CAST: variants seen among roughly 807,000 people sequenced by gnomAD.
CAST encodes MIR583 host.
Under a neutral mutation model 119.6 loss-of-function variants are expected in CAST, and 76 were observed. The ratio of observed to expected loss-of-function variants is 0.64; its 90% CI spans 0.53 to 0.77. The LOEUF is 0.77. Ranked by LOEUF, CAST falls within the 30% of genes least tolerant of loss-of-function variation. The pLI is 0.00. For missense variants in CAST, 953 were observed against 946.5 expected, an observed-to-expected ratio of 1.01 and a Z score of -0.09; for synonymous variants, 319 against 331.6, an observed-to-expected ratio of 0.96 and a Z score of 0.41.
the CAST span, among the ~76,000 whole-genome samples, chr5:96,376,218 T>A: frequency 0.011 from 1,720 of 151,796 alleles, 33 homozygotes; most frequent in African/African-American, 0.039. Context: ...AGTGGAAAAA[T>A]TCCTATTGTA....
At chr5:96,390,276 G>A in the CAST span, 2 of 152,184 alleles carry the variant, frequency 1.3e-5, no homozygotes, top group Non-Finnish European at 1.5e-5. Context: ...AATGTAAACT[G>A]TCAGCTTTTC....
At chr5:96,183,495 A>AT in the CAST span, among the ~76,000 whole-genome samples, 1 of 152,134 alleles carries the variant, frequency 6.6e-6, no homozygotes, top group South Asian at 2.1e-4. Flanking sequence ...GCTATTTGGA[A>AT]TTTTTTTCAG....
the CAST span, among the ~76,000 whole-genome samples, chr5:96,514,307 A>G: frequency 6.6e-6 from 1 of 152,194 alleles, no homozygotes; most frequent in Non-Finnish European, 1.5e-5. Flanking sequence ...TTATTCATTT[A>G]TGAGTGCTGG....
chr5:96,051,876 A>T, the CAST span, among the ~76,000 whole-genome samples: 1 of 152,248 alleles, frequency 6.6e-6, no homozygotes, highest in Admixed American at 6.5e-5. Flanking sequence ...CAACAACCAG[A>T]TTAATCCTTG....
chr5:96,656,667 G>C (rs917195118), intron 1 of CAST, among the ~76,000 whole-genome samples: 1 of 152,128 alleles, frequency 6.6e-6, no homozygotes, highest in Non-Finnish European at 1.5e-5. Context: ...CTGCCCGTTT[G>C]GGTCAGTTCA....
chr5:96,535,240 G>T (rs1486689698), intron 1 of CAST, among the ~76,000 whole-genome samples: 1 of 152,176 alleles, frequency 6.6e-6, no homozygotes, highest in African/African-American at 2.4e-5. Flanking sequence ...GATGTAATAA[G>T]AATATGACAG....
At chr5:96,619,977 T>G (rs1747567853) in intron 1 of CAST, among the ~76,000 whole-genome samples, 1 of 152,190 alleles carries the variant, frequency 6.6e-6, no homozygotes, top group Non-Finnish European at 1.5e-5. Context: ...TTCTGTAAAA[T>G]AAAGACAACA....
the CAST span, among the ~76,000 whole-genome samples, chr5:96,503,110 A>G: frequency 6.6e-6 from 1 of 152,216 alleles, no homozygotes; most frequent in Non-Finnish European, 1.5e-5. Flanking sequence ...TTGTCTTCAG[A>G]GTACTGTAAT....
the CAST span, among the ~76,000 whole-genome samples, chr5:96,418,407 G>A: frequency 6.6e-6 from 1 of 152,104 alleles, no homozygotes; most frequent in Non-Finnish European, 1.5e-5. Context: ...TGTCACATTT[G>A]TTATTTAACT....
chr5:96,331,173 C>T, the CAST span, among the ~76,000 whole-genome samples: 1 of 152,144 alleles, frequency 6.6e-6, no homozygotes, highest in South Asian at 2.1e-4. Context: ...CTCAGGAGTC[C>T]TATCACCTTA....
chr5:96,454,746 C>T, the CAST span, among the ~76,000 whole-genome samples: 14 of 152,288 alleles, frequency 9.2e-5, no homozygotes, highest in South Asian at 6.2e-4. Flanking sequence ...TGATTTTAGG[C>T]GGCTCATTGA....
the CAST span, among the ~76,000 whole-genome samples, chr5:96,231,949 C>G: frequency 6.6e-6 from 1 of 151,666 alleles, no homozygotes; most frequent in Non-Finnish European, 1.5e-5. Context: ...GGATCCTAAG[C>G]TTTTTTTTCT....
chr5:96,617,875 C>T (rs1747501352), intron 1 of CAST, among the ~76,000 whole-genome samples: 1 of 126,686 alleles, frequency 7.9e-6, no homozygotes, highest in African/African-American at 2.9e-5. Flanking sequence ...AGAGGTTATT[C>T]TAATTTTTTA....
chr5:96,431,506 T>C, the CAST span, among the ~76,000 whole-genome samples: 3 of 152,182 alleles, frequency 2.0e-5, no homozygotes, highest in African/African-American at 4.8e-5. Flanking sequence ...CTCCTCTAGA[T>C]TCTTGATTAC....
chr5:96,316,489 G>A, the CAST span, among the ~76,000 whole-genome samples: 1 of 152,194 alleles, frequency 6.6e-6, no homozygotes, highest in African/African-American at 2.4e-5. Flanking sequence ...GCAAACCTGG[G>A]ACTAGATGCA....
At chr5:96,490,372 G>GTGTGTGTA in the CAST span, among the ~76,000 whole-genome samples, 1 of 151,958 alleles carries the variant, frequency 6.6e-6, no homozygotes. Context: ...GTGTGTGTGT[G>GTGTGTGTA]TGTGTGTGTA....
At chr5:96,666,966 A>C (rs1442757792) in intron 1 of CAST, among the ~76,000 whole-genome samples, 1 of 152,138 alleles carries the variant, frequency 6.6e-6, no homozygotes, top group Admixed American at 6.5e-5. Flanking sequence ...AATCATATTA[A>C]CAGATACTAA....
chr5:96,439,872 A>G, the CAST span, among the ~76,000 whole-genome samples: 1 of 152,140 alleles, frequency 6.6e-6, no homozygotes, highest in African/African-American at 2.4e-5. Flanking sequence ...ACCTTCAACA[A>G]TTGTCCCTAA....
the CAST span, among the ~76,000 whole-genome samples, chr5:96,039,618 A>T: frequency 1.3e-5 from 2 of 152,170 alleles, no homozygotes; most frequent in Admixed American, 1.3e-4. Flanking sequence ...AACACCATTT[A>T]TTAAACAGGG....
Sources: allele counts gnomAD v4.1 joint callset (sites outside exome capture counted in the v4.1 genomes callset), GRCh38; gene constraint gnomAD v4.1.1; transcripts MANE v1.5; gene names NCBI Gene and HGNC (gene_info 2026-07-23, HGNC 2026-07-21).